Variants in CRISPLD2 observed in about 807,000 individuals in gnomAD.
CRISPLD2 encodes the protein cysteine-rich secretory protein LCCL domain-containing 2.
In CRISPLD2, 47 loss-of-function variants were observed where a neutral mutation model predicts 71.1. The ratio of observed to expected loss-of-function variants is 0.66; its 90% CI spans 0.52 to 0.84. CRISPLD2 has a LOEUF of 0.84. Ranked by LOEUF, CRISPLD2 falls within the 40% of genes least tolerant of loss-of-function variation. The pLI, the probability that CRISPLD2 is intolerant of heterozygous loss-of-function variation, is 0.00. For synonymous variants in CRISPLD2, 317 were observed against 250.1 expected (o/e 1.27, Z -2.52); for missense variants, 830 against 651.1 (o/e 1.27, Z -2.99).
intron 13 of CRISPLD2, among the ~76,000 whole-genome samples, chr16:84,887,200 A>G (rs998716421): frequency 6.6e-5 from 10 of 152,178 alleles, no homozygotes; most frequent in African/African-American, 2.2e-4. Context: ...GACATAGCCC[A>G]GCCCCGCCCT....
chr16:84,868,777 C>T (rs1917611364), intron 7 of CRISPLD2, 74 bp from the exon 8 acceptor site: 3 of 1,175,766 alleles, frequency 2.6e-6, no homozygotes, highest in Admixed American at 1.7e-5. Flanking sequence ...CCAGAATGTC[C>T]CTCAGCATGG....
chr16:84,872,615 G>T, intron 9 of CRISPLD2, 107 bp downstream of exon 9: 1 of 975,456 alleles, frequency 1.0e-6, no homozygotes, highest in Non-Finnish European at 1.6e-6. Context: ...CCACTCCTTA[G>T]TCAAACCTGG....
chr16:84,882,938 T>C (rs564847437), intron 13 of CRISPLD2, among the ~76,000 whole-genome samples: 4 of 152,326 alleles, frequency 2.6e-5, no homozygotes, highest in Admixed American at 2.0e-4. Context: ...CCTGCATTCA[T>C]AGCTACACTG....
intron 1 of CRISPLD2, among the ~76,000 whole-genome samples, chr16:84,825,628 C>T (rs1410550295): frequency 2.0e-5 from 3 of 151,918 alleles, no homozygotes; most frequent in South Asian, 2.1e-4. Flanking sequence ...TGGTGGTGCA[C>T]GCCTGTAATC....
chr16:84,884,274 G>C (rs35124045), intron 13 of CRISPLD2, among the ~76,000 whole-genome samples: 32,498 of 152,132 alleles, frequency 0.21, 3,549 homozygotes, highest in Admixed American at 0.27. Flanking sequence ...TTGGGGCAAG[G>C]TGTGAGCCCC....
At chr16:84,897,508 T>A (rs1204960850) in intron 14 of CRISPLD2, among the ~76,000 whole-genome samples, 1 of 152,182 alleles carries the variant, frequency 6.6e-6, no homozygotes, top group Non-Finnish European at 1.5e-5. Flanking sequence ...AAGATCTTCA[T>A]AGCACTCAAC....
chr16:84,888,857 A>C (rs2071636174), intron 13 of CRISPLD2, among the ~76,000 whole-genome samples: 1 of 152,172 alleles, frequency 6.6e-6, no homozygotes, highest in Non-Finnish European at 1.5e-5. Flanking sequence ...CCAGGCATTT[A>C]ACCTTGTGAA....
At chr16:84,852,143 C>T (rs1014656079) in intron 5 of CRISPLD2, among the ~76,000 whole-genome samples, 3 of 152,204 alleles carry the variant, frequency 2.0e-5, no homozygotes, top group African/African-American at 7.2e-5. Context: ...GACATCAATC[C>T]TATTGGGTCA....
At chr16:84,825,853 G>A (rs1315136867) in intron 1 of CRISPLD2, among the ~76,000 whole-genome samples, 1 of 152,026 alleles carries the variant, frequency 6.6e-6, no homozygotes, top group Non-Finnish European at 1.5e-5. Flanking sequence ...TGTAATTCCA[G>A]CTTCTTGGGA....
rs146420261 is a variant in CRISPLD2, at chr16:84,900,664, G to A, written c.1440-5924G>A. ...TCAAGATGCAAATGCACGTCCTTTG[G>A]TCCAGCAATTCCACTCCTAGGCGCT... On this transcript the variant is annotated intron_variant, in intron 14 of 14. Coordinates refer to ENST00000262424, the MANE Select transcript of CRISPLD2 (RefSeq NM_031476.4). Among the ~76,000 whole-genome samples, 372 of 152,146 alleles carry A rather than the reference G, an allele frequency of 2.4e-3. 1 individual carries two copies. Among genetic ancestry groups the A allele is most frequent in the African/African-American group, 8.5e-3 (353 of 41,506 alleles).
At chr16:84,849,312 C>G in intron 3 of CRISPLD2, 73 bp from the exon 4 acceptor site, 2 of 1,446,452 alleles carry the variant, frequency 1.4e-6, no homozygotes, top group Non-Finnish European at 1.9e-6. Context: ...TCCTACCTGC[C>G]CGTGGCTGCT....
intron 5 of CRISPLD2, among the ~76,000 whole-genome samples, chr16:84,853,927 C>A (rs1917160100): frequency 6.6e-6 from 1 of 152,250 alleles, no homozygotes; most frequent in Non-Finnish European, 1.5e-5. Flanking sequence ...CTCTTCACAG[C>A]CCAGGAGCCG....
intron 14 of CRISPLD2, among the ~76,000 whole-genome samples, chr16:84,898,544 C>G (rs1415088049): frequency 6.6e-6 from 1 of 152,176 alleles, no homozygotes; most frequent in South Asian, 2.1e-4. Context: ...CCCTAGGCAG[C>G]GTTCTCCACC....
At chr16:84,847,292 G>A (rs1315539387) in intron 3 of CRISPLD2, among the ~76,000 whole-genome samples, 2 of 152,200 alleles carry the variant, frequency 1.3e-5, no homozygotes, top group Non-Finnish European at 2.9e-5. Context: ...TGGATCGACC[G>A]CGGTGACTTC....
rs569725982 is a variant in CRISPLD2 at position 84,867,002 on chromosome 16, C to A, written c.815C>A (p.Pro272His). ...TGGCTCCAACCGAGGGTGATGAGAC[C>A]CACCAAGCCCAAGAAAACCTCTGCG... ...HVWLQPRVMR[P>H]TKPKKTSAVN... Residue 272 changes from proline (P) to histidine (H), a missense_variant, in exon 7 of 15, where the codon CCC becomes CAC. By Grantham distance (77) the Pro-to-His change is moderately conservative. Coordinates refer to ENST00000262424, the MANE Select transcript of CRISPLD2 (RefSeq NM_031476.4). 6.2e-7 allele frequency: 1 copy of A among 1,614,018 alleles called. No individual in the cohort carries two copies. The highest frequency in any genetic ancestry group is 1.7e-5 in the Admixed American group (1 of 60,010).
intron 3 of CRISPLD2, 30 bp from the exon 4 acceptor site, chr16:84,849,355 G>A (rs111592124): frequency 6.2e-7 from 1 of 1,601,794 alleles, no homozygotes; most frequent in African/African-American, 1.3e-5. Flanking sequence ...GGGAGGGGCT[G>A]GGACTGAGTG....
rs80321569 is a variant in CRISPLD2 at position 84,827,962 on chromosome 16, G to A, written c.-75+7829G>A. On this transcript the variant is annotated intron_variant, in intron 1 of 14. Coordinates refer to ENST00000262424, the MANE Select transcript of CRISPLD2 (RefSeq NM_031476.4). ...TCCTCTGTTCATCTTCGCCATCCGTGTGTCCGGGATGTCCTGCTCACACCT... is the reference window on the plus strand; with the variant it reads ...TCCTCTGTTCATCTTCGCCATCCGTATGTCCGGGATGTCCTGCTCACACCT... Among the ~76,000 whole-genome samples, 980 of 152,280 alleles carry A rather than the reference G, an allele frequency of 6.4e-3. 11 individuals are homozygous for A. Among genetic ancestry groups the A allele is most frequent in the African/African-American group, 0.02 (845 of 41,540 alleles).
intron 13 of CRISPLD2, 148 bp downstream of exon 13, chr16:84,880,732 G>A: frequency 1.8e-6 from 1 of 556,704 alleles, no homozygotes; most frequent in South Asian, 2.5e-5. Flanking sequence ...TCGAGATGGA[G>A]TCTTACTCTG....
At chr16:84,896,686 C>G (rs1230412577) in intron 14 of CRISPLD2, among the ~76,000 whole-genome samples, 1 of 152,270 alleles carries the variant, frequency 6.6e-6, no homozygotes, top group East Asian at 1.9e-4. Context: ...CCGATGTGGA[C>G]TTCTGACTTC....
Sources: gnomAD v4.1 joint callset for allele counts (sites outside exome capture counted in the v4.1 genomes callset) on GRCh38, gnomAD v4.1.1 for gene constraint, MANE v1.5 for transcripts, NCBI Gene and HGNC (gene_info 2026-07-23, HGNC 2026-07-21) for gene names.